MGLL: variants seen among roughly 807,000 people sequenced by gnomAD.
MGLL encodes monoglyceride lipase, also known as lysophospholipase homolog.
In MGLL, 7 loss-of-function variants were observed where a neutral mutation model predicts 29.1. The ratio of observed to expected loss-of-function variants is 0.24; its 90% CI spans 0.14 to 0.45. The LOEUF is 0.45. MGLL is among the 20% of genes least tolerant of loss of function. The pLI, the probability that MGLL is intolerant of heterozygous loss-of-function variation, is 0.99. For missense variants in MGLL, 356 were observed against 413.6 expected, an observed-to-expected ratio of 0.86 and a Z score of 1.21; for synonymous variants, 148 against 168.3, an observed-to-expected ratio of 0.88 and a Z score of 0.93.
intron 3 of MGLL, among the ~76,000 whole-genome samples, chr3:127,732,734 T>G (rs1347533995): frequency 6.6e-6 from 1 of 152,170 alleles, no homozygotes; most frequent in Non-Finnish European, 1.5e-5. Context: ...CTTCACAAAT[T>G]TCTAAGTGTG....
intron 6 of MGLL, among the ~76,000 whole-genome samples, 169 bp downstream of exon 6, chr3:127,710,407 T>C (rs2075688004): frequency 6.6e-6 from 1 of 152,204 alleles, no homozygotes; most frequent in Non-Finnish European, 1.5e-5. Context: ...ACCCACCCTT[T>C]TCACCCAAAC....
intron 5 of MGLL, among the ~76,000 whole-genome samples, chr3:127,719,922 T>C (rs1383125749): frequency 6.6e-6 from 1 of 152,186 alleles, no homozygotes; most frequent in African/African-American, 2.4e-5. Context: ...TATCAGATAG[T>C]CCCTGATTTC....
intron 2 of MGLL, among the ~76,000 whole-genome samples, chr3:127,785,377 C>A (rs1200165076): frequency 2.0e-5 from 3 of 152,266 alleles, no homozygotes; most frequent in Admixed American, 2.0e-4. Flanking sequence ...GGACAGACCC[C>A]AGCTCCAGGC....
intron 2 of MGLL, 121 bp downstream of exon 2, chr3:127,821,573 G>T: frequency 9.4e-7 from 1 of 1,058,688 alleles, no homozygotes; most frequent in Non-Finnish European, 1.4e-6. Context: ...ACATTAAAAC[G>T]GCAGGGGAAG....
chr3:127,764,014 TTC>T (rs2076812535), intron 3 of MGLL, among the ~76,000 whole-genome samples: 1 of 152,166 alleles, frequency 6.6e-6, no homozygotes. Flanking sequence ...CTCCTCCAGC[TTC>T]TCGGAGCTTG....
At chr3:127,803,447 C>T (rs1353679072) in intron 2 of MGLL, among the ~76,000 whole-genome samples, 1 of 152,224 alleles carries the variant, frequency 6.6e-6, no homozygotes, top group Non-Finnish European at 1.5e-5. Flanking sequence ...ACCAGCCTCA[C>T]AGCAAACCAT....
At chr3:127,703,028 A>C (rs535680843) in intron 6 of MGLL, among the ~76,000 whole-genome samples, 3 of 152,352 alleles carry the variant, frequency 2.0e-5, no homozygotes, top group African/African-American at 7.2e-5. Flanking sequence ...GCAGTGAGGT[A>C]GGAATGGCTC....
intron 3 of MGLL, among the ~76,000 whole-genome samples, chr3:127,744,874 C>G (rs1202701543): frequency 6.6e-6 from 1 of 152,124 alleles, no homozygotes; most frequent in Non-Finnish European, 1.5e-5. Flanking sequence ...CTGACCTGAC[C>G]CAGATTTTGC....
At chr3:127,818,456 G>A (rs1321160107) in intron 2 of MGLL, among the ~76,000 whole-genome samples, 3 of 151,528 alleles carry the variant, frequency 2.0e-5, no homozygotes, top group Admixed American at 6.6e-5. Context: ...GGAATTTCCC[G>A]CCTCTGTCTT....
At chr3:127,694,509 C>T (rs113331299) in intron 7 of MGLL, among the ~76,000 whole-genome samples, 1 of 152,022 alleles carries the variant, frequency 6.6e-6, no homozygotes, top group Non-Finnish European at 1.5e-5. Flanking sequence ...AGAGCTAGCT[C>T]TGGCAGCTCC....
At chr3:127,805,369 G>A (rs1344964258) in intron 2 of MGLL, among the ~76,000 whole-genome samples, 1 of 152,160 alleles carries the variant, frequency 6.6e-6, no homozygotes, top group Non-Finnish European at 1.5e-5. Context: ...TGAGGCCTCT[G>A]CACTCCATTA....
intron 2 of MGLL, among the ~76,000 whole-genome samples, chr3:127,813,889 A>G (rs962746874): frequency 6.6e-6 from 1 of 152,080 alleles, no homozygotes; most frequent in Admixed American, 6.5e-5. Context: ...GCTGATCTCT[A>G]AAGATACCTT....
chr3:127,767,232 ATC>A (rs2076875334), intron 3 of MGLL, among the ~76,000 whole-genome samples: 1 of 152,026 alleles, frequency 6.6e-6, no homozygotes, highest in Non-Finnish European at 1.5e-5. Context: ...GATTTATCTA[ATC>A]TCTCAATATT....
intron 3 of MGLL, among the ~76,000 whole-genome samples, chr3:127,754,962 G>A (rs2076632651): frequency 6.6e-6 from 1 of 152,204 alleles, no homozygotes; most frequent in African/African-American, 2.4e-5. Context: ...GCGCCCCAGA[G>A]AAGGGATTGT....
At chr3:127,787,360 T>C (rs1219572539) in intron 2 of MGLL, among the ~76,000 whole-genome samples, 3 of 152,116 alleles carry the variant, frequency 2.0e-5, no homozygotes, top group African/African-American at 7.2e-5. Context: ...GAGATGACAG[T>C]GCCTCCCTAG....
intron 2 of MGLL, among the ~76,000 whole-genome samples, chr3:127,821,430 C>A (rs1054013533): frequency 2.6e-5 from 4 of 152,156 alleles, no homozygotes; most frequent in African/African-American, 7.2e-5. Flanking sequence ...AAAATAAAGT[C>A]ATGTGGAATT....
At chr3:127,816,617 C>G (rs1272468885) in intron 2 of MGLL, among the ~76,000 whole-genome samples, 2 of 152,232 alleles carry the variant, frequency 1.3e-5, no homozygotes, top group East Asian at 3.8e-4. Flanking sequence ...TAAATCTACC[C>G]AGGCCTCAGG....
At chr3:127,782,022 A>G (rs2077136653) in intron 2 of MGLL, 127 bp from the exon 3 acceptor site, 1 of 802,944 alleles carries the variant, frequency 1.2e-6, no homozygotes, top group South Asian at 1.4e-5. Context: ...GGAGTTTGAG[A>G]CCAGCCTGAC....
At chr3:127,815,525 G>T (rs1410864692) in intron 2 of MGLL, among the ~76,000 whole-genome samples, 1 of 152,204 alleles carries the variant, frequency 6.6e-6, no homozygotes, top group African/African-American at 2.4e-5. Flanking sequence ...TCTTTGCCTT[G>T]CGCCTATATT....
Sources: allele counts gnomAD v4.1 joint callset (sites outside exome capture counted in the v4.1 genomes callset), GRCh38; gene constraint gnomAD v4.1.1; transcripts MANE v1.5; gene names NCBI Gene and HGNC (gene_info 2026-07-23, HGNC 2026-07-21).